The following PRKDC variants were observed in gnomAD, a reference collection of about 807,000 sequenced individuals.
PRKDC encodes DNA-dependent protein kinase catalytic subunit.
In PRKDC, 82 loss-of-function variants were observed where a neutral mutation model predicts 486.9. The ratio of observed to expected loss-of-function variants is 0.17; its 90% confidence interval spans 0.14 to 0.20. The LOEUF is 0.20. Ranked by LOEUF, PRKDC falls within the 10% of genes least tolerant of loss-of-function variation. The pLI, the probability that PRKDC is intolerant of heterozygous loss-of-function variation, is 1.00. For synonymous variants in PRKDC, 1,895 were observed against 1,837.0 expected, an observed-to-expected ratio of 1.03 and a Z score of -0.81; for missense variants, 4,504 against 5,038.2, an observed-to-expected ratio of 0.89 and a Z score of 3.21.
At position 47,897,921 on chromosome 8, in the gene PRKDC, C is replaced by A. The variant is rs118020733; in HGVS notation, c.3464+549G>T. On this transcript the variant is annotated intron_variant, in intron 29 of 85. Coordinates refer to ENST00000314191, the MANE Select transcript of PRKDC (RefSeq NM_006904.7). ...ATGGATAACAGATGTCCCCAGATACCCTGCAGAGATCTGGAGGGGCTTATG... is the reference window on the plus strand; with the variant it reads ...ATGGATAACAGATGTCCCCAGATACACTGCAGAGATCTGGAGGGGCTTATG... Among the ~76,000 whole-genome samples, 33 of 152,242 alleles carry A rather than the reference C, an allele frequency of 2.2e-4. No individual in the cohort carries two copies. The East Asian group carries it at 6.4e-3, about 29-fold the overall frequency.
chr8:47,941,577 G>A (rs946076518), intron 10 of PRKDC, among the ~76,000 whole-genome samples: 6 of 152,206 alleles, frequency 3.9e-5, no homozygotes, highest in African/African-American at 4.8e-5. Context: ...GACTCTGCGG[G>A]GAGAGGACCA....
intron 74 of PRKDC, among the ~76,000 whole-genome samples, chr8:47,790,570 T>C (rs1387388416): frequency 6.6e-6 from 1 of 152,166 alleles, no homozygotes; most frequent in Non-Finnish European, 1.5e-5. Context: ...CTAAAATTTG[T>C]ATGGAACCAC....
At chr8:47,944,997 T>A (rs962235986) in intron 7 of PRKDC, among the ~76,000 whole-genome samples, 1 of 152,226 alleles carries the variant, frequency 6.6e-6, no homozygotes, top group African/African-American at 2.4e-5. Flanking sequence ...GCTTTCCAGA[T>A]ATGGTAGCAT....
At chr8:47,905,013 T>C in intron 25 of PRKDC, 37 bp from the exon 26 acceptor site, 3 of 1,449,810 alleles carry the variant, frequency 2.1e-6, no homozygotes, top group South Asian at 1.2e-5. Context: ...ATTCCCTTCA[T>C]GTTAAAGAAA....
intron 64 of PRKDC, among the ~76,000 whole-genome samples, chr8:47,822,982 T>C (rs2154499074): frequency 1.3e-5 from 2 of 152,276 alleles, no homozygotes; most frequent in East Asian, 3.9e-4. Context: ...TGTTGAAATG[T>C]AATCCTCAAT....
Position 47,863,557 on chromosome 8 carries a change from A to G in PRKDC, c.5592T>C (p.Asp1864=). 6.2e-7 allele frequency: 1 copy of G among 1,611,594 alleles called. No homozygotes were observed. Among genetic ancestry groups the G allele is most frequent in the Non-Finnish European group, 8.5e-7 (1 of 1,178,732 alleles). The change falls in exon 42 of 86, where the codon GAT becomes GAC. Residue 1864 remains aspartate, a synonymous_variant. Coordinates refer to ENST00000314191, the MANE Select transcript of PRKDC (RefSeq NM_006904.7). ...AGCCCATCTTCTTGGTGATTTGAGT[A>G]TCAAAGGTAGATTCATTTAGCTTCA... is the stretch of plus-strand genomic sequence containing the variant. ...RFTKLNESTF[D]TQITKKMGYY...
chr8:47,839,937 C>T (rs998681659), intron 55 of PRKDC, 79 bp downstream of exon 55: 5 of 1,170,978 alleles, frequency 4.3e-6, no homozygotes, highest in Non-Finnish European at 5.9e-6. Flanking sequence ...TGTTTGTGCC[C>T]CTGTACTCCA....
intron 50 of PRKDC, among the ~76,000 whole-genome samples, chr8:47,854,928 C>T (rs955890608): frequency 5.3e-5 from 8 of 152,084 alleles, no homozygotes; most frequent in African/African-American, 1.7e-4. Flanking sequence ...AAAGGAATTA[C>T]GCACAAATCC....
At chr8:47,821,871 A>T in intron 64 of PRKDC, 79 bp from the exon 65 acceptor site, 1 of 1,225,128 alleles carries the variant, frequency 8.2e-7, no homozygotes, top group Non-Finnish European at 1.1e-6. Flanking sequence ...GGAGGAATGT[A>T]ACAATCACAC....
Position 47,855,446 on chromosome 8 carries a change from T to C in PRKDC, c.6610-73A>G, listed in dbSNP as rs544033536. ...GAAAGCATTTTTTAACTCAAGTTCA[T>C]TTATAAAAGAAATCTGGCATTTTAC... On this transcript the variant is annotated intron_variant, in intron 49 of 85. Transcript: ENST00000314191. 7.1e-6 allele frequency: 10 copies of C among 1,414,002 alleles called. No individual in the cohort carries two copies. The African/African-American group carries it at 1.2e-4, about 17-fold the overall frequency. 87.6% of individuals were successfully genotyped at this position (1,414,002 alleles called of 1,614,324 possible). A position where few individuals can be genotyped will look rare whatever the true frequency, so the allele number is the denominator to read the frequency against.
At chr8:47,861,039 T>C in intron 44 of PRKDC, 68 bp from the exon 45 acceptor site, 1 of 1,102,712 alleles carries the variant, frequency 9.1e-7, no homozygotes, top group Non-Finnish European at 1.3e-6. Context: ...TCTGTTTTAG[T>C]AGCAATCTGG....
chr8:47,943,189 G>A lies in PRKDC; in HGVS notation c.966+20C>T, dbSNP rs781539322. 1.9e-6 allele frequency: 3 copies of A among 1,604,520 alleles called. No homozygotes were observed. Among genetic ancestry groups the A allele is most frequent in the East Asian group, 2.2e-5 (1 of 44,812 alleles). ...GTGTGTGAAAGAAATATTGTTAAAT[G>A]ACAGTTGAATTTGTGGTACCTGTTT... On this transcript the variant is annotated intron_variant, in intron 10 of 85. Coordinates refer to ENST00000314191, the MANE Select transcript of PRKDC (RefSeq NM_006904.7).
chr8:47,921,149 G>C (rs1398373025), intron 21 of PRKDC, among the ~76,000 whole-genome samples: 1 of 152,102 alleles, frequency 6.6e-6, no homozygotes, highest in African/African-American at 2.4e-5. Context: ...CAGCTACTCG[G>C]GAGGCTGCGG....
intron 25 of PRKDC, among the ~76,000 whole-genome samples, chr8:47,909,920 C>T (rs1433605104): frequency 6.6e-6 from 1 of 152,186 alleles, no homozygotes; most frequent in Non-Finnish European, 1.5e-5. Context: ...CACAGTGGGA[C>T]ATAGGCCCTC....
At chr8:47,929,225 A>C (rs1563808383) in intron 18 of PRKDC, 47 bp from the exon 19 acceptor site, 4 of 1,298,612 alleles carry the variant, frequency 3.1e-6, no homozygotes, top group Non-Finnish European at 4.4e-6. Flanking sequence ...GAATCGGGAG[A>C]CTGTATCCCA....
At position 47,902,701 on chromosome 8, in the gene PRKDC, G is replaced by C; in HGVS notation, c.3137C>G (p.Pro1046Arg). 1 of 1,613,820 alleles carries C rather than the reference G, an allele frequency of 6.2e-7. No individual in the cohort carries two copies. The highest frequency in any genetic ancestry group is 8.5e-7 in the Non-Finnish European group (1 of 1,179,814). Reference sequence around the variant, plus strand: ...TACTGGACTCTTCTCCTGCTGCTGTGGTGTTATTTGCTTAATGGACCATTT... The same window carrying C: ...TACTGGACTCTTCTCCTGCTGCTGTCGTGTTATTTGCTTAATGGACCATTT... ...FLKWSIKQIT[P>R]QQQEKSPVNT... Residue 1046 changes from proline (P) to arginine (R), a missense_variant, in exon 27 of 86, where the codon CCA becomes CGA. By Grantham distance (103) the Pro-to-Arg change is moderately radical. Around this residue, in one of 6 missense-constraint regions of PRKDC, gnomAD observed 1,969 missense variants for 2,068.9 expected, o/e 0.95. Transcript: ENST00000314191.
At chr8:47,910,358 C>T (rs1292041546) in intron 25 of PRKDC, among the ~76,000 whole-genome samples, 1 of 152,166 alleles carries the variant, frequency 6.6e-6, no homozygotes, top group Non-Finnish European at 1.5e-5. Flanking sequence ...AACATCTTAA[C>T]GAATGTCATG....
Position 47,857,160 on chromosome 8 carries a change from G to A in PRKDC, c.6605C>T (p.Pro2202Leu). Residue 2202 changes from proline (P) to leucine (L), a missense_variant, in exon 49 of 86, where the codon CCA becomes CTA. This residue lies in a region of PRKDC where 1,592 missense variants were observed against 1,724.6 expected (regional missense o/e 0.92). Transcript: ENST00000314191. ...TILSWTGLAT[P>L]TGVPKDEVLA... ...AAAAGATGCATCAATCCTTACTGTT[G>A]GAGTGGCCAAGCCTGTCCATGAAAG... 1 of 1,613,200 alleles carries A rather than the reference G, an allele frequency of 6.2e-7. No homozygotes were observed. The highest frequency in any genetic ancestry group is 8.5e-7 in the Non-Finnish European group (1 of 1,179,588).
At chr8:47,888,744 AAC>A in intron 33 of PRKDC, 94 bp from the exon 34 acceptor site, 1 of 1,421,130 alleles carries the variant, frequency 7.0e-7, no homozygotes, top group Non-Finnish European at 9.3e-7. Flanking sequence ...TTATGAAGCA[AAC>A]AGAGGCAACA....
Sources: gnomAD v4.1 joint callset for allele counts (sites outside exome capture counted in the v4.1 genomes callset) on GRCh38, gnomAD v4.1.1 for gene constraint, gnomAD v4.1.1 regional missense constraint, MANE v1.5 for transcripts, NCBI Gene and HGNC (gene_info 2026-07-23, HGNC 2026-07-21) for gene names.